The following RAI14 variants were observed in gnomAD, a reference collection of about 807,000 sequenced individuals.
The protein encoded by RAI14 is retinoic acid induced 14.
Under a neutral mutation model 115.4 loss-of-function variants are expected in RAI14, and 45 were observed. That is an observed-to-expected ratio of 0.39 (90% CI 0.31 to 0.50). The LOEUF (loss-of-function observed/expected upper bound fraction) is 0.50, where lower values mean the gene tolerates loss of function less well. Ranked by LOEUF, RAI14 falls within the 20% of genes least tolerant of loss-of-function variation. The pLI, the probability that RAI14 is intolerant of heterozygous loss-of-function variation, is 0.85. For missense variants in RAI14, 939 were observed against 1,131.2 expected, an observed-to-expected ratio of 0.83 and a Z score of 2.44; for synonymous variants, 371 against 415.4, an observed-to-expected ratio of 0.89 and a Z score of 1.30.
rs1561261407 is a variant in RAI14, at chr5:34,707,680, T to C, written c.36+20725T>C. On this transcript the variant is annotated intron_variant, in intron 2 of 17. Transcript: ENST00000265109. ...AAAACCACACATCTTAATTGAAGTG[T>C]ATTCAAGTCTCCCCAGTACCTCGTC... 2.6e-5 allele frequency among the ~76,000 whole-genome samples: 4 copies of C among 152,304 alleles called. No homozygotes were observed. The South Asian group carries it at 8.3e-4, about 32-fold the overall frequency.
intron 3 of RAI14, among the ~76,000 whole-genome samples, chr5:34,767,436 G>A (rs1329190319): frequency 6.6e-6 from 1 of 152,150 alleles, no homozygotes; most frequent in Non-Finnish European, 1.5e-5. Flanking sequence ...TCACACTGGG[G>A]CTGCTGGAGC....
rs1430592260 is a variant in RAI14 at position 34,757,465 on chromosome 5, C to T, written c.37-3C>T. On this transcript the variant is annotated splice_polypyrimidine_tract_variant and splice_region_variant and intron_variant, in intron 2 of 17. Transcript: ENST00000265109. ...GACCTCTGTTTCTTCTCTTTCTCTA[C>T]AGACCAATGAGTGGAACAAGAATGA... The T allele has an allele frequency of 6.2e-6, 10 of 1,612,992 alleles. No homozygotes were observed. Among genetic ancestry groups the T allele is most frequent in the Non-Finnish European group, 8.5e-6 (10 of 1,179,602 alleles).
chr5:34,815,434 G>A (rs564661309), intron 12 of RAI14, among the ~76,000 whole-genome samples: 2 of 152,146 alleles, frequency 1.3e-5, no homozygotes, highest in South Asian at 4.2e-4. Context: ...CTGGTGGCAG[G>A]CACCTGTAGT....
chr5:34,715,687 C>G (rs1263105390), intron 2 of RAI14, among the ~76,000 whole-genome samples: 1 of 152,170 alleles, frequency 6.6e-6, no homozygotes, highest in Non-Finnish European at 1.5e-5. Flanking sequence ...TTAAATACTT[C>G]TCACCCTTCA....
At chr5:34,669,458 T>TA (rs1743469131) in intron 1 of RAI14, among the ~76,000 whole-genome samples, 1 of 152,224 alleles carries the variant, frequency 6.6e-6, no homozygotes, top group Non-Finnish European at 1.5e-5. Context: ...TATGCCTCTT[T>TA]GACCAAATAA....
intron 4 of RAI14, among the ~76,000 whole-genome samples, chr5:34,800,419 C>T (rs1467434227): frequency 6.6e-6 from 1 of 152,196 alleles, no homozygotes; most frequent in Non-Finnish European, 1.5e-5. Flanking sequence ...CTTCCTGATA[C>T]TCTAGACAGA....
chr5:34,757,728 A>G lies in RAI14; in HGVS notation c.167+130A>G. On this transcript the variant is annotated intron_variant, in intron 3 of 17. Coordinates refer to ENST00000265109, the MANE Select transcript of RAI14 (RefSeq NM_015577.3). ...CTCCCATGTTGAAATATGTAAGAAG[A>G]TATTTTAATCTAGTGCCTTTCTCTC... 3 of 1,231,730 alleles carry G rather than the reference A, an allele frequency of 2.4e-6. No homozygotes were observed. The South Asian group carries it at 5.5e-5, about 22-fold the overall frequency. The allele number at this position is 1,231,730 out of a possible 1,614,324, so 76.3% of individuals were successfully genotyped here. A position where few individuals can be genotyped will look rare whatever the true frequency, so the allele number is the denominator to read the frequency against.
At chr5:34,772,201 C>T (rs1750251357) in intron 3 of RAI14, among the ~76,000 whole-genome samples, 1 of 152,240 alleles carries the variant, frequency 6.6e-6, no homozygotes, top group African/African-American at 2.4e-5. Context: ...GCATGAGCCA[C>T]TGCCCCCAGT....
chr5:34,814,488 T>C, intron 11 of RAI14, 95 bp from the exon 12 acceptor site: 1 of 855,930 alleles, frequency 1.2e-6, no homozygotes, highest in Non-Finnish European at 1.9e-6. Context: ...TTAGATTTCA[T>C]TGCATTGGTT....
chr5:34,659,208 TG>T (rs1327510073), intron 1 of RAI14: 1 of 152,210 alleles, frequency 6.6e-6, no homozygotes, highest in African/African-American at 2.4e-5. Flanking sequence ...AGAATCCCAG[TG>T]TATGAAAAAA....
intron 10 of RAI14, among the ~76,000 whole-genome samples, chr5:34,812,547 C>A (rs1369584592): frequency 6.6e-6 from 1 of 151,988 alleles, no homozygotes; most frequent in Admixed American, 6.6e-5. Flanking sequence ...TGCCTGTAAT[C>A]CCAGCTGCTC....
At chr5:34,686,657 GA>G (rs968506402) in intron 1 of RAI14, among the ~76,000 whole-genome samples, 1 of 151,876 alleles carries the variant, frequency 6.6e-6, no homozygotes, top group Non-Finnish European at 1.5e-5. Context: ...TAATAAGAAG[GA>G]AAAAATTAAG....
chr5:34,789,897 C>T (rs145842222), intron 3 of RAI14, among the ~76,000 whole-genome samples: 238 of 152,246 alleles, frequency 1.6e-3, no homozygotes, highest in African/African-American at 5.5e-3. Flanking sequence ...TAGTCTGAGC[C>T]CTTAAGGTTA....
At chr5:34,696,416 G>A (rs921041824) in intron 2 of RAI14, among the ~76,000 whole-genome samples, 3 of 152,190 alleles carry the variant, frequency 2.0e-5, no homozygotes, top group East Asian at 1.9e-4. Context: ...GATTACAGGC[G>A]TGAGCCACCA....
intron 2 of RAI14, among the ~76,000 whole-genome samples, chr5:34,719,427 A>G (rs1282716132): frequency 1.3e-5 from 2 of 152,180 alleles, no homozygotes; most frequent in Non-Finnish European, 2.9e-5. Context: ...CTCATATTCA[A>G]AGGGAGGAGA....
In RAI14 at chr5:34,674,163, T is replaced by C. The variant is rs184038734; in HGVS notation, c.-48-12709T>C. On this transcript the variant is annotated intron_variant, in intron 1 of 17. Transcript: ENST00000265109. ...ACAGTGTTTGAGTAATGTCCAAATATGATAGTTGGGACAGCAGAAATAATT... is the reference window on the plus strand; with the variant it reads ...ACAGTGTTTGAGTAATGTCCAAATACGATAGTTGGGACAGCAGAAATAATT... Among the ~76,000 whole-genome samples the C allele has an allele frequency of 8.5e-5, 13 of 152,322 alleles. 1 individual carries two copies. The highest frequency in any genetic ancestry group is 3.1e-4 in the African/African-American group (13 of 41,574).
At chr5:34,830,297 T>C (rs1337737024) in intron 17 of RAI14, among the ~76,000 whole-genome samples, 6 of 152,152 alleles carry the variant, frequency 3.9e-5, no homozygotes, top group Admixed American at 2.0e-4. Context: ...CCATCATTTA[T>C]TGAGGAATGA....
intron 3 of RAI14, among the ~76,000 whole-genome samples, chr5:34,792,111 A>G (rs897399332): frequency 6.6e-6 from 1 of 152,186 alleles, no homozygotes; most frequent in Non-Finnish European, 1.5e-5. Flanking sequence ...CCAGAAGCGC[A>G]TACCCAGTGA....
At chr5:34,720,136 C>A (rs187887643) in intron 2 of RAI14, among the ~76,000 whole-genome samples, 341 of 152,252 alleles carry the variant, frequency 2.2e-3, no homozygotes, top group African/African-American at 7.6e-3. Context: ...ATATTTATTT[C>A]TTCTCAGAGC....
Sources: allele counts gnomAD v4.1 joint callset (sites outside exome capture counted in the v4.1 genomes callset), GRCh38; gene constraint gnomAD v4.1.1; transcripts MANE v1.5; gene names NCBI Gene and HGNC (gene_info 2026-07-23, HGNC 2026-07-21).